PDZRN4: variants seen among roughly 807,000 people sequenced by gnomAD.
The protein encoded by PDZRN4 is PDZ domain containing ring finger 4, also known as PDZ domain-containing RING finger protein 4.
A neutral mutation model predicts 99.0 loss-of-function variants in PDZRN4; 70 were observed. The observed-to-expected ratio is 0.71, with a 90% CI of 0.58 to 0.86. PDZRN4 has a LOEUF of 0.86. PDZRN4 is among the 40% of genes least tolerant of loss of function. PDZRN4 has a pLI of 0.00. For synonymous variants in PDZRN4, 551 were observed against 501.6 expected (o/e 1.10, Z -1.32); for missense variants, 1,474 against 1,331.2 (o/e 1.11, Z -1.67).
intron 3 of PDZRN4, among the ~76,000 whole-genome samples, chr12:41,276,011 A>C (rs1043635912): frequency 1.3e-5 from 2 of 152,166 alleles, no homozygotes; most frequent in Non-Finnish European, 2.9e-5. Flanking sequence ...ATGCTTTTCT[A>C]TCTTGGTAGA....
At chr12:41,213,141 T>G (rs1950898571) in intron 3 of PDZRN4, among the ~76,000 whole-genome samples, 1 of 152,062 alleles carries the variant, frequency 6.6e-6, no homozygotes, top group Non-Finnish European at 1.5e-5. Flanking sequence ...GGTTTTCTTT[T>G]TTCATTCCAA....
rs532828907 is a variant in PDZRN4, at chr12:41,507,585, A to G, written c.1100+873A>G. ...CGTTTCAGTGGGTCACAGATGTACA[A>G]TAGAATCACCTGGGAACTTTCAGAA... On this transcript the variant is annotated intron_variant, in intron 4 of 9. Transcript: ENST00000402685. Among the ~76,000 whole-genome samples the G allele has an allele frequency of 5.3e-5, 8 of 152,196 alleles. No homozygotes were observed. In the South Asian group the frequency reaches 1.5e-3, roughly 28 times the overall value.
At chr12:41,516,868 A>G (rs1938409228) in intron 5 of PDZRN4, among the ~76,000 whole-genome samples, 1 of 152,016 alleles carries the variant, frequency 6.6e-6, no homozygotes, top group South Asian at 2.1e-4. Flanking sequence ...GATACTTCAT[A>G]ATCACATGTT....
At chr12:41,551,887 C>G (rs1414529337) in intron 5 of PDZRN4, among the ~76,000 whole-genome samples, 1 of 152,110 alleles carries the variant, frequency 6.6e-6, no homozygotes, top group Non-Finnish European at 1.5e-5. Context: ...CTGAAATACA[C>G]TGAAATTTAT....
intron 3 of PDZRN4, among the ~76,000 whole-genome samples, chr12:41,255,119 C>T (rs1052310885): frequency 2.0e-5 from 3 of 151,898 alleles, no homozygotes; most frequent in Non-Finnish European, 2.9e-5. Context: ...GGAAAGGGGA[C>T]TAATTGATGC....
intron 3 of PDZRN4, among the ~76,000 whole-genome samples, chr12:41,271,119 T>C (rs1951311830): frequency 6.6e-6 from 1 of 152,118 alleles, no homozygotes; most frequent in African/African-American, 2.4e-5. Context: ...TATATAAATA[T>C]TCTTATCTCA....
chr12:41,452,449 A>AAAAAAAG (rs71081741), intron 3 of PDZRN4, among the ~76,000 whole-genome samples: 1 of 141,824 alleles, frequency 7.1e-6, no homozygotes, highest in African/African-American at 2.7e-5. Flanking sequence ...AAAAAAAAAA[A>AAAAAAAG]AAAGAAAGAA....
chr12:41,557,570 C>T (rs1939189966), intron 7 of PDZRN4, among the ~76,000 whole-genome samples: 1 of 152,146 alleles, frequency 6.6e-6, no homozygotes, highest in African/African-American at 2.4e-5. Flanking sequence ...GTGGCCTGGG[C>T]ACATGTCCTG....
chr12:41,205,154 A>G (rs1950840419), intron 3 of PDZRN4, among the ~76,000 whole-genome samples: 1 of 151,926 alleles, frequency 6.6e-6, no homozygotes, highest in Non-Finnish European at 1.5e-5. Context: ...TCAGACATAC[A>G]TTTGTCCTAC....
chr12:41,522,723 T>G (rs544185932), intron 5 of PDZRN4, among the ~76,000 whole-genome samples: 26 of 152,232 alleles, frequency 1.7e-4, no homozygotes, highest in African/African-American at 5.8e-4. Context: ...TCCTTAATGG[T>G]CTTAAACATG....
At chr12:41,448,483 G>A (rs542607751) in intron 3 of PDZRN4, among the ~76,000 whole-genome samples, 5 of 146,962 alleles carry the variant, frequency 3.4e-5, no homozygotes, top group East Asian at 2.0e-4. Flanking sequence ...ACAACTTAAA[G>A]TATAGTCAGA....
chr12:41,227,908 CACACACACACA>C (rs1566375566), intron 3 of PDZRN4, among the ~76,000 whole-genome samples: 8 of 151,410 alleles, frequency 5.3e-5, no homozygotes, highest in Admixed American at 6.6e-5. Flanking sequence ...CACACACACA[CACACACACACA>C]CCAGAAGGGT....
chr12:41,470,670 G>A (rs545889550), intron 3 of PDZRN4, among the ~76,000 whole-genome samples: 4 of 151,840 alleles, frequency 2.6e-5, no homozygotes, highest in African/African-American at 7.3e-5. Flanking sequence ...CCCCACAACC[G>A]TCCCCGGTGT....
At chr12:41,414,390 G>T (rs1047548203) in intron 3 of PDZRN4, among the ~76,000 whole-genome samples, 1 of 152,022 alleles carries the variant, frequency 6.6e-6, no homozygotes, top group East Asian at 1.9e-4. Flanking sequence ...TCTTGAATTG[G>T]TTCCTCAAAT....
chr12:41,321,844 T>G (rs1951680078), intron 3 of PDZRN4, among the ~76,000 whole-genome samples: 1 of 152,226 alleles, frequency 6.6e-6, no homozygotes. Context: ...ATTATAACTT[T>G]CTAATTTGAA....
chr12:41,342,311 C>T (rs1951824264), intron 3 of PDZRN4, among the ~76,000 whole-genome samples: 2 of 151,654 alleles, frequency 1.3e-5, no homozygotes, highest in African/African-American at 2.4e-5. Flanking sequence ...TAAAATAAGG[C>T]CCCAGAAGCG....
At chr12:41,535,296 TG>T (rs1330672138) in intron 5 of PDZRN4, among the ~76,000 whole-genome samples, 1 of 152,234 alleles carries the variant, frequency 6.6e-6, no homozygotes, top group Non-Finnish European at 1.5e-5. Context: ...ACTTTATCTC[TG>T]GGACCCTTTG....
At chr12:41,238,241 G>A (rs921247939) in intron 3 of PDZRN4, among the ~76,000 whole-genome samples, 1 of 152,048 alleles carries the variant, frequency 6.6e-6, no homozygotes, top group African/African-American at 2.4e-5. Context: ...AATTGTAAAT[G>A]ATAGTTCATT....
Position 41,572,653 on chromosome 12 carries a change from A to G in PDZRN4, c.1874A>G (p.Glu625Gly). The G allele has an allele frequency of 8.1e-6, 13 of 1,614,198 alleles. No homozygotes were observed. Among genetic ancestry groups the G allele is most frequent in the Non-Finnish European group, 1.1e-5 (13 of 1,180,024 alleles). ...ATTGGCAACCCAGATGAGGACTGTG[A>G]AAGATTCAGGCAGCTCTTGGAGCTC... is the stretch of plus-strand genomic sequence containing the variant. ...DCIGNPDEDC[E>G]RFRQLLELKC... is the part of the protein sequence containing the mutation. The change falls in exon 10 of 10, where the codon GAA (glutamate) becomes GGA (glycine). Residue 625 changes from glutamate to glycine, a missense_variant. Coordinates refer to ENST00000402685, the MANE Select transcript of PDZRN4 (RefSeq NM_001164595.2).
Sources: allele counts gnomAD v4.1 joint callset (sites outside exome capture counted in the v4.1 genomes callset), GRCh38; gene constraint gnomAD v4.1.1; transcripts MANE v1.5; gene names NCBI Gene and HGNC (gene_info 2026-07-23, HGNC 2026-07-21).